Variants in TNFRSF19 observed in about 807,000 individuals in gnomAD.
The protein encoded by TNFRSF19 is tumor necrosis factor receptor superfamily member 19.
Under a neutral mutation model 46.4 loss-of-function variants are expected in TNFRSF19, and 27 were observed. The ratio of observed to expected loss-of-function variants is 0.58; its 90% CI spans 0.43 to 0.80. The LOEUF (loss-of-function observed/expected upper bound fraction) is 0.80, where lower values mean the gene tolerates loss of function less well. TNFRSF19 is among the 30% of genes least tolerant of loss of function. TNFRSF19 has a pLI of 0.00. For missense variants in TNFRSF19, 511 were observed against 530.8 expected, an observed-to-expected ratio of 0.96 and a Z score of 0.37; for synonymous variants, 204 against 205.0, an observed-to-expected ratio of 1.00 and a Z score of 0.04.
At chr13:23,667,907 G>A in intron 7 of TNFRSF19, 73 bp from the exon 8 acceptor site, 2 of 1,272,372 alleles carry the variant, frequency 1.6e-6, no homozygotes, top group Non-Finnish European at 2.2e-6. Context: ...TCCGAGAGCA[G>A]TGTTGAAGTG....
chr13:23,673,274 T>C (rs1951784980), intron 9 of TNFRSF19, 98 bp from the exon 10 acceptor site: 1 of 1,328,640 alleles, frequency 7.5e-7, no homozygotes. Context: ...TGTATACTAC[T>C]AGTAAAAGTT....
chr13:23,648,933 G>T (rs1339872652), intron 5 of TNFRSF19, among the ~76,000 whole-genome samples: 1 of 152,114 alleles, frequency 6.6e-6, no homozygotes, highest in African/African-American at 2.4e-5. Context: ...ATCCCACTTG[G>T]TCGTGGTGTA....
chr13:23,619,424 G>A (rs1374870883), intron 4 of TNFRSF19, among the ~76,000 whole-genome samples: 1 of 152,106 alleles, frequency 6.6e-6, no homozygotes, highest in East Asian at 1.9e-4. Flanking sequence ...GCTTCTTTGG[G>A]GGATGATGAA....
In TNFRSF19 at chr13:23,626,728, T is replaced by G; in HGVS notation, c.381T>G (p.Leu127=). ...CLPGFYRKTK[L]VGFQDMECVP... ...CTAGATTTTATAGGAAGACGAAACT[T>G]GTCGGCTTTCAAGACATGGAGTGTG... is the stretch of plus-strand genomic sequence containing the variant. The change falls in exon 5 of 10, where the codon CTT becomes CTG. Residue 127 remains leucine (L), a synonymous_variant. Coordinates refer to ENST00000248484, the MANE Select transcript of TNFRSF19 (RefSeq NM_148957.4). 1 of 1,614,194 alleles carries G rather than the reference T, an allele frequency of 6.2e-7. No individual in the cohort carries two copies. Among genetic ancestry groups the G allele is most frequent in the Non-Finnish European group, 8.5e-7 (1 of 1,180,022 alleles).
At chr13:23,605,645 T>C (rs1593249581) in intron 3 of TNFRSF19, among the ~76,000 whole-genome samples, 1 of 152,080 alleles carries the variant, frequency 6.6e-6, no homozygotes, top group African/African-American at 2.4e-5. Context: ...AAATAAGCTA[T>C]CAAGCCGTGA....
intron 1 of TNFRSF19, among the ~76,000 whole-genome samples, chr13:23,578,641 G>A (rs886503150): frequency 6.6e-6 from 1 of 152,216 alleles, no homozygotes; most frequent in Admixed American, 6.5e-5. Flanking sequence ...GTCATGCACC[G>A]TATCTTGGGT....
intron 5 of TNFRSF19, among the ~76,000 whole-genome samples, chr13:23,655,764 TTTTG>T (rs1883945967): frequency 1.3e-5 from 2 of 149,414 alleles, no homozygotes; most frequent in South Asian, 2.1e-4. Context: ...TTTGGTTTTG[TTTTG>T]TTTTTGTTTT....
chr13:23,672,071 G>A (rs1426196044), intron 9 of TNFRSF19, among the ~76,000 whole-genome samples: 1 of 152,118 alleles, frequency 6.6e-6, no homozygotes, highest in African/African-American at 2.4e-5. Context: ...GTCTTTACGT[G>A]GTGTAAGGCC....
In TNFRSF19 at chr13:23,662,061, T is replaced by C. The variant is rs187393271; in HGVS notation, c.736+1571T>C. On this transcript the variant is annotated intron_variant, in intron 7 of 9. Transcript: ENST00000248484. Reference sequence around the variant, plus strand: ...TTAATTAGATCTCATTTGTCAATTTTTGCTTTTGTTGTGATTGCTTTTGAT... The same window carrying C: ...TTAATTAGATCTCATTTGTCAATTTCTGCTTTTGTTGTGATTGCTTTTGAT... 1.2e-3 allele frequency among the ~76,000 whole-genome samples: 180 copies of C among 152,374 alleles called. 1 individual carries two copies. The highest frequency in any genetic ancestry group is 4.0e-3 in the African/African-American group (165 of 41,586).
chr13:23,646,418 C>T (rs1318962503), intron 5 of TNFRSF19, among the ~76,000 whole-genome samples: 1 of 152,290 alleles, frequency 6.6e-6, no homozygotes, highest in African/African-American at 2.4e-5. Flanking sequence ...AGAAGCTCTA[C>T]ACCCATTAAA....
At chr13:23,658,820 C>T (rs1198700400) in intron 5 of TNFRSF19, among the ~76,000 whole-genome samples, 3 of 152,168 alleles carry the variant, frequency 2.0e-5, no homozygotes, top group Non-Finnish European at 4.4e-5. Context: ...GTGTCCGTAG[C>T]GCTCTGGGAA....
intron 8 of TNFRSF19, 101 bp downstream of exon 8, chr13:23,668,183 T>C (rs927101946): frequency 1.0e-4 from 109 of 1,069,992 alleles, no homozygotes; most frequent in Non-Finnish European, 1.4e-4. Context: ...ACATCACCTC[T>C]TAAATATTAA....
intron 3 of TNFRSF19, among the ~76,000 whole-genome samples, chr13:23,603,942 C>G (rs921475998): frequency 6.6e-6 from 1 of 151,816 alleles, no homozygotes; most frequent in Admixed American, 6.6e-5. Context: ...AGGAACAAGG[C>G]AAGGATGTTC....
intron 1 of TNFRSF19, among the ~76,000 whole-genome samples, chr13:23,578,792 C>A (rs553453156): frequency 6.6e-6 from 1 of 152,386 alleles, no homozygotes; most frequent in East Asian, 1.9e-4. Context: ...CGCGCTGGTG[C>A]TACAGCTGTG....
At chr13:23,605,352 T>A (rs1880437431) in intron 3 of TNFRSF19, among the ~76,000 whole-genome samples, 1 of 152,244 alleles carries the variant, frequency 6.6e-6, no homozygotes, top group Non-Finnish European at 1.5e-5. Flanking sequence ...GGAGTTCTCA[T>A]TCCTTGCTAG....
chr13:23,638,706 G>A (rs1882850992), intron 5 of TNFRSF19, among the ~76,000 whole-genome samples: 1 of 152,040 alleles, frequency 6.6e-6, no homozygotes. Context: ...GATGTTCCTG[G>A]GTCCCTGGTT....
intron 3 of TNFRSF19, among the ~76,000 whole-genome samples, chr13:23,603,542 T>A (rs1880312489): frequency 6.6e-6 from 1 of 152,006 alleles, no homozygotes; most frequent in Non-Finnish European, 1.5e-5. Flanking sequence ...ATATCTCTCA[T>A]GAACAAAGAT....
chr13:23,618,425 A>G (rs1009708447), intron 4 of TNFRSF19, among the ~76,000 whole-genome samples: 5 of 152,250 alleles, frequency 3.3e-5, no homozygotes, highest in Admixed American at 3.3e-4. Context: ...AATCAGGGAA[A>G]TGCAAATCAA....
intron 9 of TNFRSF19, among the ~76,000 whole-genome samples, chr13:23,671,157 C>T (rs1354504079): frequency 6.6e-6 from 1 of 152,128 alleles, no homozygotes; most frequent in East Asian, 1.9e-4. Context: ...ATGAGATTGG[C>T]ATATCATGAC....
Sources: gnomAD v4.1 joint callset for allele counts (sites outside exome capture counted in the v4.1 genomes callset) on GRCh38, gnomAD v4.1.1 for gene constraint, MANE v1.5 for transcripts, NCBI Gene and HGNC (gene_info 2026-07-23, HGNC 2026-07-21) for gene names.